Variants in GCH1 observed in about 807,000 individuals in gnomAD.
The protein encoded by GCH1 is GTP cyclohydrolase I.
A neutral mutation model predicts 25.9 loss-of-function variants in GCH1; 5 were observed. That is an observed-to-expected ratio of 0.19 (90% confidence interval 0.10 to 0.41). The LOEUF is 0.41. Among genes scored for constraint, GCH1 ranks in the 10% least tolerant of loss-of-function variants. The probability of loss-of-function intolerance (pLI) is 1.00; values close to 1 mark genes in which losing one functional copy is unlikely to be tolerated. For missense variants in GCH1, 261 were observed against 336.5 expected (o/e 0.78, Z 1.75); for synonymous variants, 159 against 129.6 (o/e 1.23, Z -1.54).
rs2039588995 is a variant in GCH1 at position 54,843,334 on chromosome 14, T to C, written c.*683A>G. The C allele has an allele frequency of 1.5e-6, 2 of 1,303,034 alleles. No homozygotes were observed. Among genetic ancestry groups the C allele is most frequent in the Non-Finnish European group, 1.9e-6 (2 of 1,029,146 alleles). 80.7% of individuals were successfully genotyped at this position (1,303,034 alleles called of 1,614,324 possible). A position where few individuals can be genotyped will look rare whatever the true frequency, so the allele number is the denominator to read the frequency against. ...AGTTAAATGTCTAAATCCCTGTATG[T>C]TGACACGAGAATACACTCGTAAACA... On this transcript the variant is annotated 3_prime_UTR_variant, in exon 6 of 6. Transcript: ENST00000491895.
At chr14:54,850,298 G>C (rs965292282) in intron 3 of GCH1, among the ~76,000 whole-genome samples, 2 of 146,904 alleles carry the variant, frequency 1.4e-5, no homozygotes, top group African/African-American at 2.5e-5. Flanking sequence ...TTATATATAA[G>C]TAGGTTCTTT....
At chr14:54,874,126 A>G (rs931691872) in intron 1 of GCH1, among the ~76,000 whole-genome samples, 3 of 152,204 alleles carry the variant, frequency 2.0e-5, no homozygotes, top group Non-Finnish European at 4.4e-5. Flanking sequence ...CCAGCAGCAC[A>G]TCAAAAAGCT....
chr14:54,901,482 C>G (rs1251621436), intron 1 of GCH1, among the ~76,000 whole-genome samples: 1 of 152,198 alleles, frequency 6.6e-6, no homozygotes, highest in Non-Finnish European at 1.5e-5. Flanking sequence ...TCCCCACCCT[C>G]TGGGTGAAAA....
At chr14:54,900,160 C>T (rs1199081629) in intron 1 of GCH1, among the ~76,000 whole-genome samples, 1 of 147,572 alleles carries the variant, frequency 6.8e-6, no homozygotes, top group Non-Finnish European at 1.5e-5. Context: ...CCACCGCGCC[C>T]GGCCCATGGA....
At chr14:54,883,696 A>G (rs999473332) in intron 1 of GCH1, among the ~76,000 whole-genome samples, 4 of 152,006 alleles carry the variant, frequency 2.6e-5, no homozygotes, top group African/African-American at 9.7e-5. Context: ...TAAATAAATA[A>G]AAAGAAAAGA....
chr14:54,845,200 C>A (rs2039622397), intron 5 of GCH1, among the ~76,000 whole-genome samples: 1 of 151,346 alleles, frequency 6.6e-6, no homozygotes, highest in Non-Finnish European at 1.5e-5. Context: ...GGCGATTGAG[C>A]TGGGCGCAGG....
At chr14:54,900,504 C>A (rs1290468495) in intron 1 of GCH1, among the ~76,000 whole-genome samples, 1 of 152,206 alleles carries the variant, frequency 6.6e-6, no homozygotes. Context: ...GAGCACCGAG[C>A]TCGGCCAACC....
Position 54,902,668 on chromosome 14 carries a change from C to T in GCH1, c.-5G>A. The stretch of plus-strand genomic sequence containing the variant: ...CCGCACAGGGCCCTTCTCCATGGAC[C>T]CGCCGCAGCCGCTGCCGTTCGGGAA... On this transcript the variant is annotated 5_prime_UTR_variant, in exon 1 of 6. Transcript: ENST00000491895. The T allele has an allele frequency of 6.9e-7, 1 of 1,442,744 alleles. No homozygotes were observed. The highest frequency in any genetic ancestry group is 9.1e-7 in the Non-Finnish European group (1 of 1,104,292). The allele number at this position is 1,442,744 out of a possible 1,614,324, so 89.4% of individuals were successfully genotyped here. A position where few individuals can be genotyped will look rare whatever the true frequency, so the allele number is the denominator to read the frequency against.
rs777068790 is a variant in GCH1 at position 54,902,364 on chromosome 14, C to G, written c.300G>C (p.Ser100=). Residue 100 remains serine (S), a synonymous_variant, in exon 1 of 6, where the codon TCG becomes TCC. Coordinates refer to ENST00000491895, the MANE Select transcript of GCH1 (RefSeq NM_000161.3). ...AGCCCTTGGTGAAGAACTGCATGGC[C>G]GAGGCCGCCCTCCAGGGCGTCTTGA... ...GLLKTPWRAA[S]AMQFFTKGYQ... 1.2e-6 allele frequency: 2 copies of G among 1,613,058 alleles called. No homozygotes were observed. The highest frequency in any genetic ancestry group is 2.2e-5 in the East Asian group (1 of 44,870).
At chr14:54,873,953 C>T (rs989041755) in intron 1 of GCH1, among the ~76,000 whole-genome samples, 8 of 152,126 alleles carry the variant, frequency 5.3e-5, no homozygotes, top group African/African-American at 1.7e-4. Context: ...GAAACTATTC[C>T]AATCAATAGA....
intron 1 of GCH1, among the ~76,000 whole-genome samples, chr14:54,892,626 T>G (rs959329652): frequency 2.0e-5 from 3 of 151,362 alleles, no homozygotes; most frequent in Admixed American, 6.6e-5. Flanking sequence ...GGGACAGAGG[T>G]TGCAGTGAGC....
At chr14:54,874,655 C>T (rs536586725) in intron 1 of GCH1, among the ~76,000 whole-genome samples, 1 of 152,274 alleles carries the variant, frequency 6.6e-6, no homozygotes, top group South Asian at 2.1e-4. Flanking sequence ...TCTCAGGATA[C>T]AAAATCAATG....
intron 1 of GCH1, among the ~76,000 whole-genome samples, chr14:54,891,405 ATTTT>A (rs538686624): frequency 4.6e-5 from 5 of 109,026 alleles, no homozygotes; most frequent in South Asian, 3.0e-4. Flanking sequence ...CATGCCTGGC[ATTTT>A]TTTTTTTTTT....
At chr14:54,885,136 G>T in intron 1 of GCH1, 1 of 266,272 alleles carries the variant, frequency 3.8e-6, no homozygotes, top group East Asian at 9.6e-5. Flanking sequence ...GGTGACAGTA[G>T]GGTCCCCAAA....
chr14:54,855,505 C>CAAAA (rs764999718), intron 3 of GCH1, among the ~76,000 whole-genome samples: 4 of 36,414 alleles, frequency 1.1e-4, no homozygotes, highest in African/African-American at 3.5e-4. Context: ...GACCCTGTCT[C>CAAAA]AAAAAAAAAA....
At chr14:54,902,180 A>G in intron 1 of GCH1, 141 bp downstream of exon 1, 1 of 887,132 alleles carries the variant, frequency 1.1e-6, no homozygotes, top group Admixed American at 2.1e-5. Flanking sequence ...GCGGCAGGCT[A>G]GGGCGGGTTC....
At chr14:54,900,085 G>A (rs1053248169) in intron 1 of GCH1, among the ~76,000 whole-genome samples, 2 of 151,922 alleles carry the variant, frequency 1.3e-5, no homozygotes, top group Non-Finnish European at 2.9e-5. Context: ...GGCTGGTCTC[G>A]AACTCCTGAC....
intron 1 of GCH1, among the ~76,000 whole-genome samples, chr14:54,893,447 C>T (rs2040448564): frequency 6.6e-6 from 1 of 152,152 alleles, no homozygotes; most frequent in African/African-American, 2.4e-5. Flanking sequence ...TGGGGAATGC[C>T]CAGGCATGGA....
chr14:54,870,417 G>A (rs1219773090), intron 1 of GCH1, among the ~76,000 whole-genome samples: 2 of 151,710 alleles, frequency 1.3e-5, no homozygotes, highest in Non-Finnish European at 2.9e-5. Flanking sequence ...ACAGCTCCCA[G>A]TGTGAGCAAC....
Sources: gnomAD v4.1 joint callset for allele counts (sites outside exome capture counted in the v4.1 genomes callset) on GRCh38, gnomAD v4.1.1 for gene constraint, MANE v1.5 for transcripts, NCBI Gene and HGNC (gene_info 2026-07-23, HGNC 2026-07-21) for gene names.